ZNF391: variants seen among roughly 807,000 people sequenced by gnomAD.
ZNF391 encodes zinc finger protein 391.
For missense variants in ZNF391, 375 were observed against 425.5 expected, an observed-to-expected ratio of 0.88 and a Z score of 1.04; for synonymous variants, 126 against 142.1, an observed-to-expected ratio of 0.89 and a Z score of 0.80.
chr6:27,377,298 G>A (rs1369472479), intron 1 of ZNF391, among the ~76,000 whole-genome samples: 1 of 152,276 alleles, frequency 6.6e-6, no homozygotes, highest in East Asian at 1.9e-4. Context: ...CCAGAACTCC[G>A]ACCACAAGGC....
At chr6:27,388,102 G>A (rs1329995565), upstream of ZNF391, among the ~76,000 whole-genome samples, 1 of 151,956 alleles carries the variant, frequency 6.6e-6, no homozygotes, top group Non-Finnish European at 1.5e-5. Flanking sequence ...CTATTTGTAA[G>A]GTTGCCCTCC....
rs141811950 is a variant in ZNF391, at chr6:27,401,285, C to T, written c.915C>T (p.His305=). Residue 305 remains histidine (H), a synonymous_variant, in exon 3 of 3, where the codon CAC becomes CAT. Coordinates refer to ENST00000244576, the MANE Select transcript of ZNF391 (RefSeq NM_001076781.3). Reference sequence around the variant, plus strand: ...GAATCCACAGTGGAGAAAAGCCTCACGAGTGTAGAGTGTGTGGAAAGGGCT... The same window carrying T: ...GAATCCACAGTGGAGAAAAGCCTCATGAGTGTAGAGTGTGTGGAAAGGGCT... ...HQRIHSGEKP[H]ECRVCGKGFS... 322 of 1,614,056 alleles carry T rather than the reference C, an allele frequency of 2.0e-4. 1 individual carries two copies. The African/African-American group carries it at 3.5e-3, about 17-fold the overall frequency.
intron 1 of ZNF391, chr6:27,390,879 A>G (rs1247956147): frequency 6.6e-6 from 1 of 152,216 alleles, no homozygotes; most frequent in Non-Finnish European, 1.5e-5. Context: ...ACATGCTAGT[A>G]ATGGTGTTTT....
intron 1 of ZNF391, among the ~76,000 whole-genome samples, chr6:27,379,619 C>T (rs1761467364): frequency 6.6e-6 from 1 of 152,282 alleles, no homozygotes; most frequent in Admixed American, 6.5e-5. Context: ...GGGGACCCCC[C>T]CCCATACTTT....
rs989350599 is a variant in ZNF391, at chr6:27,402,603, T to G, written c.*1156T>G. 1.6e-4 allele frequency: 25 copies of G among 152,248 alleles called. No homozygotes were observed. The highest frequency in any genetic ancestry group is 5.3e-4 in the African/African-American group (22 of 41,514). The allele number at this position is 152,248 out of a possible 1,614,324, so 9.4% of individuals were successfully genotyped here. A position where few individuals can be genotyped will look rare whatever the true frequency, so the allele number is the denominator to read the frequency against. On this transcript the variant is annotated 3_prime_UTR_variant, in exon 3 of 3. Transcript: ENST00000244576. Reference sequence around the variant, plus strand: ...CTTCTTGAAGACAGAAATCTTGGTTTGTTTGTTGTTTTATTTTTGAGAGAA... The same window carrying G: ...CTTCTTGAAGACAGAAATCTTGGTTGGTTTGTTGTTTTATTTTTGAGAGAA...
At chr6:27,386,240 A>AAGAC (rs3082233), upstream of ZNF391, among the ~76,000 whole-genome samples, 106,532 of 151,452 alleles carry the variant, frequency 0.7, 37,705 homozygotes, top group Middle Eastern at 0.8. Flanking sequence ...TGAATACTGC[A>AAGAC]ATTGCTTAAA....
intron 1 of ZNF391, chr6:27,391,185 T>C (rs1761702896): frequency 6.9e-6 from 1 of 145,762 alleles, no homozygotes; most frequent in African/African-American, 2.5e-5. Flanking sequence ...GGGATTACTT[T>C]GGGGCATTCA....
rs191668973 is a variant in ZNF391 at position 27,382,465 on chromosome 6, A to G, written n.523+7328A>G. On this transcript the variant is annotated intron_variant and non_coding_transcript_variant, in intron 1 of 2. Coordinates refer to the ZNF391 transcript ENST00000477999. ...CAAGAAAATACAAGAAAATACGAAA[A>G]AGGCACAAAATGAAACAAAACAAAT... 1.1e-4 allele frequency among the ~76,000 whole-genome samples: 16 copies of G among 152,346 alleles called. No homozygotes were observed. The East Asian group carries it at 2.9e-3, about 28-fold the overall frequency.
chr6:27,377,645 A>G (rs1206288067), intron 1 of ZNF391, among the ~76,000 whole-genome samples: 1 of 152,212 alleles, frequency 6.6e-6, no homozygotes, highest in Non-Finnish European at 1.5e-5. Context: ...TCTCAAATAT[A>G]TTCATTGATG....
chr6:27,386,447 T>C (rs1422602792), upstream of ZNF391, among the ~76,000 whole-genome samples: 4 of 152,112 alleles, frequency 2.6e-5, no homozygotes, highest in African/African-American at 9.7e-5. Flanking sequence ...GAATAACCAA[T>C]GAAAACCTTG....
chr6:27,390,693 C>T (rs1761688615), intron 1 of ZNF391, among the ~76,000 whole-genome samples: 1 of 152,190 alleles, frequency 6.6e-6, no homozygotes, highest in South Asian at 2.1e-4. Context: ...ACTCATAAAT[C>T]CTCTGACAGC....
upstream of ZNF391, among the ~76,000 whole-genome samples, chr6:27,387,437 G>A (rs892058335): frequency 1.7e-4 from 26 of 151,664 alleles, no homozygotes; most frequent in African/African-American, 6.3e-4. Flanking sequence ...TGGCCAAAAG[G>A]CAGGAACCAC....
intron 1 of ZNF391, among the ~76,000 whole-genome samples, chr6:27,397,871 C>A (rs1243553131): frequency 6.6e-6 from 1 of 152,174 alleles, no homozygotes; most frequent in African/African-American, 2.4e-5. Flanking sequence ...CTCAACTGAT[C>A]CACCCGCCTC....
Position 27,376,717 on chromosome 6 carries a change from A to G in ZNF391, n.523+1580A>G, listed in dbSNP as rs4711147. Among the ~76,000 whole-genome samples, 108,406 of 151,896 alleles carry G rather than the reference A, an allele frequency of 0.71. 38,861 individuals carry two copies. The highest frequency in any genetic ancestry group is 0.8 in the Middle Eastern group (235 of 294). On this transcript the variant is annotated intron_variant and non_coding_transcript_variant, in intron 1 of 2. Transcript: ENST00000477999. The surrounding 1 kb of genome is among the most constrained non-coding windows in gnomAD (Gnocchi z 4.7). The stretch of plus-strand genomic sequence containing the variant: ...CTAAAAATACAAAAAAATTAGCTAG[A>G]TGTAATGGCGAGCCGCTTGAAGCTA...
chr6:27,382,956 C>T (rs1188548319), intron 1 of ZNF391, among the ~76,000 whole-genome samples: 1 of 151,856 alleles, frequency 6.6e-6, no homozygotes, highest in African/African-American at 2.4e-5. Flanking sequence ...CCCATCTCTA[C>T]CAAAAATACA....
At position 27,401,561 on chromosome 6, in the gene ZNF391, C is replaced by A. The variant is rs936035823; in HGVS notation, c.*114C>A. The A allele has an allele frequency of 1.6e-5, 12 of 738,160 alleles. No individual in the cohort carries two copies. The highest frequency in any genetic ancestry group is 1.4e-4 in the African/African-American group (8 of 56,430). 45.7% of individuals were successfully genotyped at this position (738,160 alleles called of 1,614,324 possible). A position where few individuals can be genotyped will look rare whatever the true frequency, so the allele number is the denominator to read the frequency against. Reference sequence around the variant, plus strand: ...TGTTCTAATTTTCTTTTATTAGATACCTATACCCGTTTTAAGCTTTCATTC... The same window carrying A: ...TGTTCTAATTTTCTTTTATTAGATAACTATACCCGTTTTAAGCTTTCATTC... On this transcript the variant is annotated 3_prime_UTR_variant, in exon 3 of 3. Transcript: ENST00000244576.
intron 1 of ZNF391, among the ~76,000 whole-genome samples, chr6:27,382,218 A>G (rs1330877249): frequency 6.6e-6 from 1 of 151,886 alleles, no homozygotes; most frequent in Non-Finnish European, 1.5e-5. Flanking sequence ...CAGTAATCCC[A>G]GCTGCCTAGG....
At chr6:27,378,581 G>A (rs549334661) in intron 1 of ZNF391, among the ~76,000 whole-genome samples, 19 of 152,254 alleles carry the variant, frequency 1.2e-4, no homozygotes, top group South Asian at 1.2e-3. Context: ...GTGGAATGCC[G>A]TCAGTTAAGG....
upstream of ZNF391, among the ~76,000 whole-genome samples, chr6:27,384,060 C>T (rs141909321): frequency 1.3e-5 from 2 of 152,042 alleles, no homozygotes; most frequent in African/African-American, 4.8e-5. Flanking sequence ...CTCAGAGAAA[C>T]AAAAGTTTAA....
Sources: allele counts gnomAD v4.1 joint callset (sites outside exome capture counted in the v4.1 genomes callset), GRCh38; gene constraint gnomAD v4.1.1; non-coding constraint Gnocchi (gnomAD v3.1); transcripts MANE v1.5; gene names NCBI Gene and HGNC (gene_info 2026-07-23, HGNC 2026-07-21).